Variants in COP1 observed in about 807,000 individuals in gnomAD.
COP1 encodes the protein COP1 E3 ubiquitin ligase.
A neutral mutation model predicts 101.3 loss-of-function variants in COP1; 24 were observed. The observed-to-expected ratio is 0.24, with a 90% CI of 0.17 to 0.33. COP1 has a LOEUF of 0.33. Ranked by LOEUF, COP1 falls within the 10% of genes least tolerant of loss-of-function variation. COP1 has a pLI of 1.00. For synonymous variants in COP1, 347 were observed against 341.9 expected (o/e 1.01, Z -0.17); for missense variants, 663 against 906.2 (o/e 0.73, Z 3.45).
intron 9 of COP1, among the ~76,000 whole-genome samples, chr1:176,113,244 C>A (rs910545572): frequency 7.9e-5 from 12 of 152,330 alleles, no homozygotes; most frequent in South Asian, 2.1e-4. Context: ...ACCATTCTAA[C>A]TATGGTGAGA....
At chr1:176,033,472 G>T (rs1477218011) in intron 14 of COP1, among the ~76,000 whole-genome samples, 1 of 151,930 alleles carries the variant, frequency 6.6e-6, no homozygotes, top group East Asian at 1.9e-4. Flanking sequence ...GAATGAAGAA[G>T]AACCTGTAAC....
intron 5 of COP1, among the ~76,000 whole-genome samples, chr1:176,151,546 G>A (rs1359121430): frequency 6.6e-6 from 1 of 152,134 alleles, no homozygotes; most frequent in Non-Finnish European, 1.5e-5. Flanking sequence ...CATGAAATAT[G>A]CTTCGAGTTT....
intron 15 of COP1, among the ~76,000 whole-genome samples, chr1:176,006,593 C>T (rs1419730493): frequency 1.3e-5 from 2 of 152,138 alleles, no homozygotes; most frequent in Non-Finnish European, 2.9e-5. Context: ...TATTTTATTT[C>T]TCCTTTGCTT....
At chr1:176,190,400 T>C (rs1698989633) in intron 1 of COP1, among the ~76,000 whole-genome samples, 1 of 152,056 alleles carries the variant, frequency 6.6e-6, no homozygotes, top group South Asian at 2.1e-4. Context: ...TCACTGTTTA[T>C]TAAAATCGTG....
chr1:176,073,028 C>T (rs1677287856), intron 11 of COP1, among the ~76,000 whole-genome samples: 1 of 152,110 alleles, frequency 6.6e-6, no homozygotes, highest in Non-Finnish European at 1.5e-5. Flanking sequence ...CACTAGAATT[C>T]AGGTACGCCT....
intron 11 of COP1, among the ~76,000 whole-genome samples, chr1:176,056,095 C>T (rs374362996): frequency 6.6e-6 from 1 of 151,978 alleles, no homozygotes; most frequent in African/African-American, 2.4e-5. Flanking sequence ...ATTAAATTTC[C>T]GTGTGGTATA....
At chr1:176,053,860 T>A (rs747039318) in intron 11 of COP1, among the ~76,000 whole-genome samples, 3 of 152,166 alleles carry the variant, frequency 2.0e-5, no homozygotes, top group Non-Finnish European at 4.4e-5. Context: ...ACCATTTTCA[T>A]TCTCTTATTT....
intron 1 of COP1, among the ~76,000 whole-genome samples, chr1:176,203,772 T>G (rs920104500): frequency 6.6e-6 from 1 of 152,220 alleles, no homozygotes; most frequent in Non-Finnish European, 1.5e-5. Flanking sequence ...AAAATGTTTA[T>G]GAATTCTTCA....
intron 18 of COP1, among the ~76,000 whole-genome samples, chr1:175,961,383 T>G (rs1651324176): frequency 6.6e-6 from 1 of 152,218 alleles, no homozygotes; most frequent in Admixed American, 6.5e-5. Context: ...TGAAGTTTAT[T>G]AATTTCATGC....
intron 6 of COP1, among the ~76,000 whole-genome samples, chr1:176,143,011 TA>T (rs1403886307): frequency 2.7e-5 from 4 of 149,812 alleles, no homozygotes; most frequent in African/African-American, 9.9e-5. Flanking sequence ...AGAACATAAA[TA>T]AAACAGAAAA....
At chr1:176,200,383 T>G (rs1700142900) in intron 1 of COP1, among the ~76,000 whole-genome samples, 1 of 152,224 alleles carries the variant, frequency 6.6e-6, no homozygotes, top group African/African-American at 2.4e-5. Context: ...AAGCCTACTT[T>G]GTCTCATTAT....
At chr1:176,145,338 C>T (rs1407368264) in intron 6 of COP1, among the ~76,000 whole-genome samples, 1 of 151,994 alleles carries the variant, frequency 6.6e-6, no homozygotes, top group Non-Finnish European at 1.5e-5. Flanking sequence ...GAAAAAAAAT[C>T]TACTGGTATC....
chr1:176,120,769 T>C (rs529810386), intron 8 of COP1, among the ~76,000 whole-genome samples: 38 of 152,236 alleles, frequency 2.5e-4, no homozygotes, highest in African/African-American at 8.7e-4. Context: ...AATGAAGAGG[T>C]AGCCAAGAGA....
In COP1 at chr1:175,977,419, T is replaced by C. The variant is rs187490461; in HGVS notation, c.2133+9524A>G. On this transcript the variant is annotated intron_variant, in intron 18 of 19. Coordinates refer to ENST00000367669, the MANE Select transcript of COP1 (RefSeq NM_022457.7). ...GCTTCTTTACAGCAATTATAACAGA[T>C]TGACTTTTCTTCAATCTACATAATC... Among the ~76,000 whole-genome samples, 274 of 152,270 alleles carry C rather than the reference T, an allele frequency of 1.8e-3. 2 individuals carry two copies. The highest frequency in any genetic ancestry group is 6.0e-3 in the African/African-American group (249 of 41,584).
chr1:176,063,788 T>C (rs1162431820), intron 11 of COP1, among the ~76,000 whole-genome samples: 1 of 152,230 alleles, frequency 6.6e-6, no homozygotes, highest in Non-Finnish European at 1.5e-5. Flanking sequence ...TAGGAAACTT[T>C]CTGCTATACA....
intron 14 of COP1, among the ~76,000 whole-genome samples, chr1:176,038,012 A>G (rs1669875507): frequency 6.6e-6 from 1 of 152,254 alleles, no homozygotes; most frequent in Admixed American, 6.5e-5. Context: ...TTCTATTTGC[A>G]GATGACGTAA....
At chr1:176,195,056 C>T (rs1466402727) in intron 1 of COP1, among the ~76,000 whole-genome samples, 2 of 151,350 alleles carry the variant, frequency 1.3e-5, no homozygotes. Flanking sequence ...CACTGCACTC[C>T]AGCCTGGGTG....
intron 11 of COP1, among the ~76,000 whole-genome samples, chr1:176,047,444 AGTCTG>A (rs1258319991): frequency 1.3e-5 from 2 of 152,156 alleles, no homozygotes; most frequent in African/African-American, 2.4e-5. Context: ...AACACAAGGT[AGTCTG>A]GTTTCAGAGC....
At chr1:176,147,777 A>G (rs1691787614) in intron 6 of COP1, among the ~76,000 whole-genome samples, 1 of 152,234 alleles carries the variant, frequency 6.6e-6, no homozygotes, top group Non-Finnish European at 1.5e-5. Flanking sequence ...TCAAAGGCCA[A>G]ATGAAGATCA....
Sources: allele counts gnomAD v4.1 joint callset (sites outside exome capture counted in the v4.1 genomes callset), GRCh38; gene constraint gnomAD v4.1.1; transcripts MANE v1.5; gene names NCBI Gene and HGNC (gene_info 2026-07-23, HGNC 2026-07-21).